TALDO1: variants seen among roughly 807,000 people sequenced by gnomAD.
TALDO1 encodes transaldolase 1, also known as transaldolase.
TALDO1 carries 29 observed loss-of-function variants against 38.1 expected under a neutral mutation model. The ratio of observed to expected loss-of-function variants is 0.76; its 90% CI spans 0.57 to 1.04. The LOEUF (loss-of-function observed/expected upper bound fraction) is 1.04. Among genes scored for constraint, TALDO1 ranks in the 50% least tolerant of loss-of-function variants. The pLI, the probability that TALDO1 is intolerant of heterozygous loss-of-function variation, is 0.00. For missense variants in TALDO1, 499 were observed against 438.1 expected (o/e 1.14, Z -1.24); for synonymous variants, 207 against 176.8 (o/e 1.17, Z -1.36).
At chr11:747,702 G>A in intron 1 of TALDO1, 124 bp downstream of exon 1, 2 of 826,950 alleles carry the variant, frequency 2.4e-6, no homozygotes, top group South Asian at 1.8e-5. Flanking sequence ...GGCTCGTTCC[G>A]GGAGGAATGA....
Position 764,408 on chromosome 11 carries a change from C to T in TALDO1, c.956C>T (p.Ala319Val), listed in dbSNP as rs1863012392. The T allele has an allele frequency of 6.2e-7, 1 of 1,611,818 alleles. No individual in the cohort carries two copies. Among genetic ancestry groups the T allele is most frequent in the Non-Finnish European group, 8.5e-7 (1 of 1,178,486 alleles). ...SDGIRKFAAD[A>V]VKLERMLTER... Reference sequence around the variant, plus strand: ...GGGATCCGCAAGTTTGCCGCTGATGCAGTGAAGCTGGAGCGGATGCTGACA... The same window carrying T: ...GGGATCCGCAAGTTTGCCGCTGATGTAGTGAAGCTGGAGCGGATGCTGACA... The change falls in exon 7 of 8, where the codon GCA (alanine) becomes GTA (valine). Residue 319 changes from alanine to valine, a missense_variant. Physicochemically the swap from Ala to Val is moderately conservative, Grantham distance 64. Transcript: ENST00000319006.
chr11:747,843 C>T (rs1228146499), intron 1 of TALDO1, among the ~76,000 whole-genome samples: 1 of 152,078 alleles, frequency 6.6e-6, no homozygotes, highest in Non-Finnish European at 1.5e-5. Flanking sequence ...GGAGCAGGGC[C>T]GGGGGCAGCC....
intron 7 of TALDO1, 66 bp downstream of exon 7, chr11:764,499 G>A (rs1386201897): frequency 6.3e-7 from 1 of 1,581,324 alleles, no homozygotes; most frequent in Non-Finnish European, 8.6e-7. Flanking sequence ...GGGCGTCGGG[G>A]TTCAAGCTGG....
intron 4 of TALDO1, 45 bp from the exon 5 acceptor site, chr11:763,299 T>TCACCTGCCCCCGCCCTCACCCG: frequency 1.6e-6 from 1 of 629,436 alleles, no homozygotes; most frequent in African/African-American, 4.9e-5. Flanking sequence ...CCCTCACCTG[T>TCACCTGCCCCCGCCCTCACCCG]CCCCGCCCTC....
chr11:759,028 G>A lies in TALDO1; in HGVS notation c.300G>A (p.Pro100=), dbSNP rs369934964. The change falls in exon 3 of 8, where the codon CCG becomes CCA. Residue 100 remains proline, a synonymous_variant. Coordinates refer to ENST00000319006, the MANE Select transcript of TALDO1 (RefSeq NM_006755.2). The stretch of plus-strand genomic sequence containing the variant: ...GAGCAGAAATACTAAAGAAGATTCC[G>A]GGCCGAGTATCCACAGAAGTAGACG... ...LFGAEILKKI[P]GRVSTEVDAR... is the part of the protein sequence containing the mutation. 97 of 1,612,630 alleles carry A rather than the reference G, an allele frequency of 6.0e-5. No homozygotes were observed. Among genetic ancestry groups the A allele is most frequent in the Middle Eastern group, 1.6e-4 (1 of 6,078 alleles).
chr11:764,815 A>G lies in TALDO1; in HGVS notation c.984A>G (p.Glu328=). ...DAVKLERMLT[E]RMFNAENGK is the part of the protein sequence containing the mutation. ...GCTCGTGCTCTGTTTGTTTCTAGGA[A>G]CGAATGTTCAATGCAGAGAATGGAA... The change falls in exon 8 of 8, where the codon GAA becomes GAG. Residue 328 remains glutamate (E), a splice_region_variant and synonymous_variant. Transcript: ENST00000319006. 1 of 1,614,124 alleles carries G rather than the reference A, an allele frequency of 6.2e-7. No individual in the cohort carries two copies. Among genetic ancestry groups the G allele is most frequent in the African/African-American group, 1.3e-5 (1 of 75,046 alleles).
intron 1 of TALDO1, among the ~76,000 whole-genome samples, chr11:749,783 G>A (rs1428459115): frequency 1.3e-5 from 2 of 152,168 alleles, no homozygotes; most frequent in African/African-American, 4.8e-5. Flanking sequence ...GGACGAAATG[G>A]GCTGTTTTCA....
intron 1 of TALDO1, among the ~76,000 whole-genome samples, chr11:753,741 AAATAC>A (rs1412115546): frequency 6.6e-6 from 1 of 151,424 alleles, no homozygotes; most frequent in Non-Finnish European, 1.5e-5. Flanking sequence ...AATAAAAAAT[AAATAC>A]AAGTACAAAA....
At chr11:759,335 C>G (rs973670540) in intron 3 of TALDO1, among the ~76,000 whole-genome samples, 1 of 152,184 alleles carries the variant, frequency 6.6e-6, no homozygotes, top group African/African-American at 2.4e-5. Context: ...AATCTCAGCT[C>G]ACTGCAACCT....
chr11:764,174 A>G (rs1258927610), intron 6 of TALDO1, 114 bp from the exon 7 acceptor site: 1 of 1,585,002 alleles, frequency 6.3e-7, no homozygotes, highest in African/African-American at 1.3e-5. Context: ...TGCTGGGGCC[A>G]AGGCCTGGCC....
chr11:751,941 G>A (rs1862758698), intron 1 of TALDO1, among the ~76,000 whole-genome samples: 1 of 152,202 alleles, frequency 6.6e-6, no homozygotes. Context: ...GGCCTCAGGA[G>A]CAGGCCTTGG....
At chr11:756,117 A>C (rs760373935) in intron 2 of TALDO1, 115 bp downstream of exon 2, 1 of 1,428,006 alleles carries the variant, frequency 7.0e-7, no homozygotes, top group South Asian at 1.3e-5. Flanking sequence ...AAGGGGGGAA[A>C]AAAACCCTAT....
intron 1 of TALDO1, among the ~76,000 whole-genome samples, chr11:748,140 G>A (rs1414864396): frequency 2.6e-5 from 4 of 152,266 alleles, no homozygotes; most frequent in Admixed American, 2.6e-4. Flanking sequence ...CCAGTTTGTG[G>A]TCAGCGAGAT....
intron 1 of TALDO1, among the ~76,000 whole-genome samples, chr11:753,883 G>A (rs950931058): frequency 2.0e-5 from 3 of 149,716 alleles, no homozygotes; most frequent in African/African-American, 7.4e-5. Flanking sequence ...CTCCAGCCTG[G>A]ATGACAGAGT....
chr11:754,142 G>A (rs533653052), intron 1 of TALDO1, among the ~76,000 whole-genome samples: 3 of 151,080 alleles, frequency 2.0e-5, no homozygotes, highest in South Asian at 4.2e-4. Flanking sequence ...GCACCACCAC[G>A]CCTGGCTAAT....
At chr11:747,900 G>T (rs1862688411) in intron 1 of TALDO1, among the ~76,000 whole-genome samples, 1 of 152,188 alleles carries the variant, frequency 6.6e-6, no homozygotes, top group South Asian at 2.1e-4. Flanking sequence ...TGGGGTCAGC[G>T]GTGCGGGCGG....
intron 1 of TALDO1, among the ~76,000 whole-genome samples, 185 bp downstream of exon 1, chr11:747,763 C>A (rs563008689): frequency 6.6e-6 from 1 of 151,870 alleles, no homozygotes; most frequent in South Asian, 2.1e-4. Flanking sequence ...GGAGCGGGGC[C>A]CGGGTCGGCC....
chr11:760,571 G>A, intron 4 of TALDO1: 1 of 362,062 alleles, frequency 2.8e-6, no homozygotes, highest in Admixed American at 3.9e-5. Context: ...ATCAACACAA[G>A]CCTATGTTTA....
chr11:751,977 T>A (rs1030282480), intron 1 of TALDO1, among the ~76,000 whole-genome samples: 1 of 152,134 alleles, frequency 6.6e-6, no homozygotes, highest in Non-Finnish European at 1.5e-5. Context: ...TCACTGACCT[T>A]CTCCTCTCCT....
Sources: gnomAD v4.1 joint callset for allele counts (sites outside exome capture counted in the v4.1 genomes callset) on GRCh38, gnomAD v4.1.1 for gene constraint, MANE v1.5 for transcripts, NCBI Gene and HGNC (gene_info 2026-07-23, HGNC 2026-07-21) for gene names.